Variants in SLC22A16 observed in about 807,000 individuals in gnomAD.
SLC22A16 encodes the protein WUGSC:RG331P03.1.
SLC22A16 carries 53 observed loss-of-function variants against 52.9 expected under a neutral mutation model. The ratio of observed to expected loss-of-function variants is 1.00; its 90% confidence interval spans 0.80 to 1.26. The LOEUF (loss-of-function observed/expected upper bound fraction) is 1.26, where lower values mean the gene tolerates loss of function less well. SLC22A16 is among the 50% of genes most tolerant of loss of function. SLC22A16 has a pLI of 0.00. For synonymous variants in SLC22A16, 291 were observed against 268.8 expected (o/e 1.08, Z -0.81); for missense variants, 726 against 704.0 (o/e 1.03, Z -0.35).
chr6:110,476,420 T>C, intron 1 of SLC22A16, 102 bp downstream of exon 1: 1 of 1,395,050 alleles, frequency 7.2e-7, no homozygotes, highest in Non-Finnish European at 9.3e-7. Flanking sequence ...AGTGGAGATG[T>C]TTTCGGATCG....
chr6:110,472,875 T>C (rs948061044), intron 1 of SLC22A16, among the ~76,000 whole-genome samples: 2 of 152,146 alleles, frequency 1.3e-5, no homozygotes, highest in African/African-American at 4.8e-5. Context: ...AATGGACCCA[T>C]GCAATCTGAG....
rs1774179736 is a variant in SLC22A16, at chr6:110,424,740, G to C, written c.*133C>G. 9.7e-7 allele frequency: 1 copy of C among 1,033,690 alleles called. No homozygotes were observed. Among genetic ancestry groups the C allele is most frequent in the Admixed American group, 2.9e-5 (1 of 34,416 alleles). 64.0% of individuals were successfully genotyped at this position (1,033,690 alleles called of 1,614,324 possible). ...TTTTTATTTCTTTTATAACATATTTGCTTTAAAATTTTCTTACAAAATTTA... is the reference window on the plus strand; with the variant it reads ...TTTTTATTTCTTTTATAACATATTTCCTTTAAAATTTTCTTACAAAATTTA... On this transcript the variant is annotated 3_prime_UTR_variant, in exon 8 of 8. Coordinates refer to ENST00000368919, the MANE Select transcript of SLC22A16 (RefSeq NM_033125.4).
chr6:110,471,257 A>G (rs1016029321), intron 1 of SLC22A16, among the ~76,000 whole-genome samples: 3 of 152,214 alleles, frequency 2.0e-5, no homozygotes, highest in African/African-American at 7.2e-5. Context: ...CATGCTGTGC[A>G]GGTTTGTAGT....
intron 1 of SLC22A16, among the ~76,000 whole-genome samples, chr6:110,459,801 T>C (rs1217449787): frequency 2.0e-5 from 3 of 152,194 alleles, no homozygotes; most frequent in Non-Finnish European, 4.4e-5. Flanking sequence ...AAAAAGTTTA[T>C]TTAAAAATTT....
chr6:110,424,737 T>C lies in SLC22A16; in HGVS notation c.*136A>G. On this transcript the variant is annotated 3_prime_UTR_variant, in exon 8 of 8. Coordinates refer to ENST00000368919, the MANE Select transcript of SLC22A16 (RefSeq NM_033125.4). ...TAGTTTTTATTTCTTTTATAACATA[T>C]TTGCTTTAAAATTTTCTTACAAAAT... 1.9e-6 allele frequency: 2 copies of C among 1,028,444 alleles called. No individual in the cohort carries two copies. Among genetic ancestry groups the C allele is most frequent in the Non-Finnish European group, 2.8e-6 (2 of 720,186 alleles). The allele number at this position is 1,028,444 out of a possible 1,614,324, so 63.7% of individuals were successfully genotyped here. A position where few individuals can be genotyped will look rare whatever the true frequency, so the allele number is the denominator to read the frequency against.
intron 7 of SLC22A16, chr6:110,425,433 A>T (rs955373322): frequency 7.6e-6 from 10 of 1,308,768 alleles, no homozygotes; most frequent in Middle Eastern, 2.1e-4. Flanking sequence ...AGACCCCAGA[A>T]TCTTGTGGAG....
Position 110,456,817 on chromosome 6 carries a change from T to C in SLC22A16, c.254A>G (p.Tyr85Cys). ...GALLSSGQKD[Y>C]VTVQLQNGEI... is the part of the protein sequence containing the mutation. ...ACCATTCTGCAACTGCACCGTAACA[T>C]AATCTTTCTGGCCTGAAGACAACAG... The change falls in exon 2 of 8, where the codon TAT (tyrosine) becomes TGT (cysteine). Residue 85 changes from tyrosine (Y) to cysteine (C), a missense_variant. Transcript: ENST00000368919. 6.2e-7 allele frequency: 1 copy of C among 1,614,180 alleles called. No individual in the cohort carries two copies. Among genetic ancestry groups the C allele is most frequent in the Non-Finnish European group, 8.5e-7 (1 of 1,180,034 alleles).
intron 1 of SLC22A16, 50 bp downstream of exon 1, chr6:110,476,472 A>AC: frequency 6.8e-7 from 1 of 1,465,838 alleles, no homozygotes. Context: ...AAAGAAACAG[A>AC]CCCCTCGGCG....
At position 110,475,918 on chromosome 6, in the gene SLC22A16, A is replaced by C. The variant is rs765676550; in HGVS notation, c.53+604T>G. On this transcript the variant is annotated intron_variant, in intron 1 of 7. Transcript: ENST00000368919. The stretch of plus-strand genomic sequence containing the variant: ...GACCCCGCCAGCTTGTTTCCCAATC[A>C]CTAAAATAAGGATTTGAACACCTCC... The C allele has an allele frequency of 2.6e-4, 117 of 456,598 alleles. 2 individuals carry two copies. The highest frequency in any genetic ancestry group is 1.8e-3 in the South Asian group (114 of 64,560). 28.3% of individuals were successfully genotyped at this position (456,598 alleles called of 1,614,324 possible).
rs138051044 is a variant in SLC22A16 at position 110,475,576 on chromosome 6, A to G, written c.53+946T>C. ...CATGCAACCTTCCACCTTGAAGAACAGCACCACATCATCTCTTTGCTAAGC... is the reference window on the plus strand; with the variant it reads ...CATGCAACCTTCCACCTTGAAGAACGGCACCACATCATCTCTTTGCTAAGC... On this transcript the variant is annotated intron_variant, in intron 1 of 7. Coordinates refer to ENST00000368919, the MANE Select transcript of SLC22A16 (RefSeq NM_033125.4). 9.8e-5 allele frequency among the ~76,000 whole-genome samples: 15 copies of G among 152,356 alleles called. No homozygotes were observed. In the East Asian group the frequency reaches 2.9e-3, roughly 29 times the overall value.
chr6:110,455,130 T>C (rs1775598298), intron 2 of SLC22A16, among the ~76,000 whole-genome samples: 1 of 146,822 alleles, frequency 6.8e-6, no homozygotes, highest in Non-Finnish European at 1.5e-5. Context: ...TATATAACTA[T>C]ACCAAGTTCA....
chr6:110,436,108 T>C (rs1023526198), intron 5 of SLC22A16, 147 bp from the exon 6 acceptor site: 11 of 600,710 alleles, frequency 1.8e-5, no homozygotes, highest in East Asian at 1.7e-4. Flanking sequence ...TTGAATGTAT[T>C]AAACTCTACT....
intron 2 of SLC22A16, among the ~76,000 whole-genome samples, chr6:110,449,435 T>G (rs943098135): frequency 1.3e-5 from 2 of 152,120 alleles, no homozygotes; most frequent in African/African-American, 4.8e-5. Flanking sequence ...CTTCTCTGCT[T>G]TAATGTCCTG....
At position 110,442,745 on chromosome 6, in the gene SLC22A16, C is replaced by A. The variant is rs1453516849; in HGVS notation, c.682G>T (p.Val228Phe). The part of the protein sequence containing the change: ...VASGYLVVGF[V>F]YVMEFIGMKS... ...ATGCCAATGAATTCCATCACATAGA[C>A]AAACCCCACCACAAGATAGCCACTT... Residue 228 changes from valine to phenylalanine, a missense_variant, in exon 4 of 8, where the codon GTC becomes TTC. By Grantham distance (50) the Val-to-Phe change is conservative. Transcript: ENST00000368919. 2 of 1,613,778 alleles carry A rather than the reference C, an allele frequency of 1.2e-6. No homozygotes were observed. The highest frequency in any genetic ancestry group is 2.2e-5 in the South Asian group (2 of 90,990).
At chr6:110,468,526 G>A (rs959945729) in intron 1 of SLC22A16, among the ~76,000 whole-genome samples, 11 of 151,786 alleles carry the variant, frequency 7.2e-5, no homozygotes, top group African/African-American at 1.9e-4. Flanking sequence ...CGTGCCTGTA[G>A]TCTCAGCTAC....
chr6:110,442,185 C>T (rs915992935), intron 4 of SLC22A16, 59 bp downstream of exon 4: 98 of 1,517,690 alleles, frequency 6.5e-5, no homozygotes, highest in Admixed American at 1.3e-4. Context: ...CAGACACACA[C>T]ACACAAATGG....
rs183598035 is a variant in SLC22A16 at position 110,454,889 on chromosome 6, A to T, written c.533+1649T>A. On this transcript the variant is annotated intron_variant, in intron 2 of 7. Transcript: ENST00000368919. ...TATTATATATAATATATATATTATA[A>T]TATATATAATATATGTTATATTATA... Among the ~76,000 whole-genome samples, 702 of 76,918 alleles carry T rather than the reference A, an allele frequency of 9.1e-3. 2 individuals carry two copies. Among genetic ancestry groups the T allele is most frequent in the Non-Finnish European group, 0.014 (580 of 41,496 alleles). The allele number at this position is 76,918 out of a possible 152,430, so 50.5% of individuals were successfully genotyped here.
chr6:110,469,193 C>T (rs1391791910), intron 1 of SLC22A16, among the ~76,000 whole-genome samples: 2 of 152,178 alleles, frequency 1.3e-5, no homozygotes, highest in Admixed American at 6.5e-5. Flanking sequence ...CTGTACTGTA[C>T]GTGGCAGCTT....
chr6:110,425,320 G>C (rs1422137264), intron 7 of SLC22A16: 5 of 1,473,802 alleles, frequency 3.4e-6, no homozygotes, highest in African/African-American at 2.8e-5. Context: ...ACCCACCATG[G>C]AGTGCCTCCT....
Sources: allele counts gnomAD v4.1 joint callset (sites outside exome capture counted in the v4.1 genomes callset), GRCh38; gene constraint gnomAD v4.1.1; transcripts MANE v1.5; gene names NCBI Gene and HGNC (gene_info 2026-07-23, HGNC 2026-07-21).